Variants in AP1S3 observed in about 807,000 individuals in gnomAD.
AP1S3 encodes the protein AP-1 complex subunit sigma-3.
A neutral mutation model predicts 20.9 loss-of-function variants in AP1S3; 10 were observed. The observed-to-expected ratio is 0.48, with a 90% CI of 0.29 to 0.81. The LOEUF is 0.81. Among genes scored for constraint, AP1S3 ranks in the 30% least tolerant of loss-of-function variants. The pLI is 0.08. For synonymous variants in AP1S3, 41 were observed against 61.5 expected, an observed-to-expected ratio of 0.67 and a Z score of 1.56; for missense variants, 154 against 183.8, an observed-to-expected ratio of 0.84 and a Z score of 0.94.
intron 3 of AP1S3, among the ~76,000 whole-genome samples, chr2:223,774,372 T>TAATAAATAAATAAATA (rs56121039): frequency 6.9e-6 from 1 of 145,448 alleles, no homozygotes; most frequent in Non-Finnish European, 1.5e-5. Flanking sequence ...TCTCAATAAA[T>TAATAAATAAATAAATA]AATAAATAAA....
chr2:223,763,907 C>T (rs1690418637), intron 4 of AP1S3, among the ~76,000 whole-genome samples: 1 of 152,188 alleles, frequency 6.6e-6, no homozygotes, highest in Admixed American at 6.5e-5. Flanking sequence ...AGCTTTAATG[C>T]CAGTTTTACT....
chr2:223,831,831 C>T (rs1692265178), intron 1 of AP1S3, among the ~76,000 whole-genome samples: 1 of 152,126 alleles, frequency 6.6e-6, no homozygotes, highest in Non-Finnish European at 1.5e-5. Flanking sequence ...AATCCCAGCA[C>T]TTTGGGAGGC....
intron 1 of AP1S3, among the ~76,000 whole-genome samples, chr2:223,780,302 TATATATAGAGAGAGAGAGAGAG>T (rs1276984955): frequency 4.0e-4 from 20 of 49,618 alleles, no homozygotes; most frequent in African/African-American, 1.6e-3. Flanking sequence ...TATATATATA[TATATATAGAGAGAGAGAGAGAG>T]AGAGAGAGAG....
chr2:223,798,737 G>A (rs546315936), intron 1 of AP1S3, among the ~76,000 whole-genome samples: 1 of 152,306 alleles, frequency 6.6e-6, no homozygotes, highest in East Asian at 1.9e-4. Flanking sequence ...ATATGTTACA[G>A]TCCTAACCCC....
chr2:223,828,295 C>CTTTTTTTTTTTTT (rs775000674), intron 1 of AP1S3, among the ~76,000 whole-genome samples: 2 of 131,386 alleles, frequency 1.5e-5, no homozygotes, highest in Non-Finnish European at 1.6e-5. Context: ...TCCTCTCTCT[C>CTTTTTTTTTTTTT]TTTTTTTTTT....
At chr2:223,759,527 TTTC>T (rs1272005492) in intron 4 of AP1S3, among the ~76,000 whole-genome samples, 1 of 152,216 alleles carries the variant, frequency 6.6e-6, no homozygotes, top group Non-Finnish European at 1.5e-5. Context: ...TTCTTAAGAA[TTTC>T]TTTACTTCTC....
chr2:223,768,762 G>C (rs908910775), intron 3 of AP1S3, among the ~76,000 whole-genome samples: 2 of 152,178 alleles, frequency 1.3e-5, no homozygotes, highest in African/African-American at 4.8e-5. Flanking sequence ...AGGTGAGGCA[G>C]AAGAATCACT....
rs1442233816 is a variant in AP1S3 at position 223,755,630 on chromosome 2, A to G, written c.*3085T>C. ...ACTGCAACCTCTGCCTCCCGGGTTC[A>G]AGCGATTCTCCTGCCTCAGCCTCCT... On this transcript the variant is annotated 3_prime_UTR_variant, in exon 5 of 5. Transcript: ENST00000396654. Among the ~76,000 whole-genome samples the G allele has an allele frequency of 6.7e-6, 1 of 149,488 alleles. No individual in the cohort carries two copies. The highest frequency in any genetic ancestry group is 1.5e-5 in the Non-Finnish European group (1 of 67,724).
chr2:223,833,465 C>T (rs1287568833), intron 1 of AP1S3, among the ~76,000 whole-genome samples: 1 of 152,088 alleles, frequency 6.6e-6, no homozygotes, highest in Non-Finnish European at 1.5e-5. Flanking sequence ...ACAGTGTGAT[C>T]CAGATACAAA....
intron 1 of AP1S3, among the ~76,000 whole-genome samples, chr2:223,828,447 C>A (rs1048987045): frequency 2.0e-5 from 3 of 152,046 alleles, no homozygotes; most frequent in East Asian, 3.9e-4. Flanking sequence ...TAGGCGTGCA[C>A]CACCATGCCC....
At position 223,833,241 on chromosome 2, in the gene AP1S3, AATACATACATACATAC is replaced by A. The variant is rs56906676; in HGVS notation, c.3+4191_3+4206del. The stretch of plus-strand genomic sequence containing the variant: ...CCCACAGCTATCTTGTTAAAGGCAA[AATACATACATACATAC>A]ATACATACATACATACATACATACA... On this transcript the variant is annotated intron_variant, in intron 1 of 4. Transcript: ENST00000396654. 6.7e-5 allele frequency among the ~76,000 whole-genome samples: 10 copies of A among 148,550 alleles called. 1 individual carries two copies. In the South Asian group the frequency reaches 1.1e-3, roughly 16 times the overall value.
rs548525109 is a variant in AP1S3 at position 223,799,094 on chromosome 2, G to T, written c.4-21225C>A. On this transcript the variant is annotated intron_variant, in intron 1 of 4. Coordinates refer to ENST00000396654, the MANE Select transcript of AP1S3 (RefSeq NM_001039569.2). ...TTCAAAATAAAAAGAGAGAGAGGGA[G>T]ATAAGAAATAGACATTGCAGATGTA... 7.9e-5 allele frequency among the ~76,000 whole-genome samples: 12 copies of T among 152,144 alleles called. No homozygotes were observed. In the South Asian group the frequency reaches 1.0e-3, roughly 13 times the overall value.
chr2:223,816,816 A>G (rs1691854560), intron 1 of AP1S3, among the ~76,000 whole-genome samples: 1 of 152,228 alleles, frequency 6.6e-6, no homozygotes, highest in Non-Finnish European at 1.5e-5. Flanking sequence ...ACAATCCCCC[A>G]TAACTTGCCA....
intron 3 of AP1S3, among the ~76,000 whole-genome samples, chr2:223,765,751 T>C (rs1690462479): frequency 6.6e-6 from 1 of 152,210 alleles, no homozygotes; most frequent in Admixed American, 6.5e-5. Context: ...TCTCAGAAAC[T>C]AATTCTTCAG....
chr2:223,765,133 T>C, intron 4 of AP1S3, 80 bp downstream of exon 4: 1 of 1,527,968 alleles, frequency 6.5e-7, no homozygotes, highest in East Asian at 2.4e-5. Flanking sequence ...ACTCAGTAAG[T>C]CTGGTTAATA....
chr2:223,794,021 T>C (rs1451945258), intron 1 of AP1S3, among the ~76,000 whole-genome samples: 1 of 152,224 alleles, frequency 6.6e-6, no homozygotes, highest in African/African-American at 2.4e-5. Flanking sequence ...AGTTACTACA[T>C]ATGCTCCTCA....
At chr2:223,777,651 G>A (rs775177562) in intron 2 of AP1S3, 40 bp downstream of exon 2, 1 of 1,580,318 alleles carries the variant, frequency 6.3e-7, no homozygotes, top group African/African-American at 1.4e-5. Context: ...ACAAACCAAA[G>A]TAAGACTGAG....
chr2:223,763,829 G>T (rs572922711), intron 4 of AP1S3, among the ~76,000 whole-genome samples: 1 of 152,316 alleles, frequency 6.6e-6, no homozygotes, highest in Admixed American at 6.5e-5. Context: ...CAAAACAGTT[G>T]CTGGGAATTC....
chr2:223,771,276 G>A (rs1214569812), intron 3 of AP1S3, among the ~76,000 whole-genome samples: 1 of 152,062 alleles, frequency 6.6e-6, no homozygotes, highest in Non-Finnish European at 1.5e-5. Flanking sequence ...AGCAGAGGTT[G>A]CAGTGAGCCA....
Sources: gnomAD v4.1 joint callset for allele counts (sites outside exome capture counted in the v4.1 genomes callset) on GRCh38, gnomAD v4.1.1 for gene constraint, MANE v1.5 for transcripts, NCBI Gene and HGNC (gene_info 2026-07-23, HGNC 2026-07-21) for gene names.